Variants in DYNC1I1 observed in about 807,000 individuals in gnomAD.
The protein encoded by DYNC1I1 is cytoplasmic dynein 1 intermediate chain 1.
A neutral mutation model predicts 86.6 loss-of-function variants in DYNC1I1; 43 were observed. That is an observed-to-expected ratio of 0.50 (90% confidence interval 0.39 to 0.64). The LOEUF (loss-of-function observed/expected upper bound fraction) is 0.64. Ranked by LOEUF, DYNC1I1 falls within the 30% of genes least tolerant of loss-of-function variation. DYNC1I1 has a pLI of 0.00. For missense variants in DYNC1I1, 604 were observed against 788.8 expected, an observed-to-expected ratio of 0.77 and a Z score of 2.81; for synonymous variants, 262 against 283.7, an observed-to-expected ratio of 0.92 and a Z score of 0.77.
rs1410872645 is a variant in DYNC1I1 at position 96,028,267 on chromosome 7, C to A, written c.1062C>A (p.Arg354=). The change falls in exon 11 of 17, where the codon CGC becomes CGA. Residue 354 remains arginine, a synonymous_variant. Coordinates refer to ENST00000447467, the MANE Select transcript of DYNC1I1 (RefSeq NM_001135556.2). ...YSGQIVLWDN[R]SHRRTPVQRT... ...GCCAGATTGTCCTCTGGGACAATCG[C>A]AGTCATCGAAGGACTCCAGTGCAGC... The A allele has an allele frequency of 6.2e-7, 1 of 1,613,786 alleles. No individual in the cohort carries two copies. Among genetic ancestry groups the A allele is most frequent in the Non-Finnish European group, 8.5e-7 (1 of 1,179,800 alleles).
chr7:95,918,263 C>T (rs964011095), intron 6 of DYNC1I1, among the ~76,000 whole-genome samples: 3 of 152,114 alleles, frequency 2.0e-5, no homozygotes, highest in African/African-American at 7.2e-5. Flanking sequence ...CACTTCACAC[C>T]TTATGGGCCA....
At chr7:95,836,102 G>A (rs1165836356) in intron 5 of DYNC1I1, among the ~76,000 whole-genome samples, 1 of 152,104 alleles carries the variant, frequency 6.6e-6, no homozygotes, top group African/African-American at 2.4e-5. Context: ...ATTTTGCAGT[G>A]GCTGGTACCA....
chr7:96,083,341 C>T (rs1018523522), intron 16 of DYNC1I1, among the ~76,000 whole-genome samples: 3 of 151,994 alleles, frequency 2.0e-5, no homozygotes, highest in Admixed American at 6.6e-5. Context: ...TTGTGTTTCT[C>T]TTTGTCACCA....
intron 14 of DYNC1I1, among the ~76,000 whole-genome samples, chr7:96,070,258 T>C (rs1295614633): frequency 6.6e-6 from 1 of 152,076 alleles, no homozygotes; most frequent in Admixed American, 6.6e-5. Flanking sequence ...TTTGGTTTGG[T>C]TTGGTTTGCG....
intron 4 of DYNC1I1, among the ~76,000 whole-genome samples, chr7:95,814,968 A>G (rs1192693201): frequency 6.6e-6 from 1 of 151,282 alleles, no homozygotes; most frequent in Non-Finnish European, 1.5e-5. Context: ...AAGAGCTGGC[A>G]CAATATAATC....
intron 10 of DYNC1I1, among the ~76,000 whole-genome samples, chr7:96,008,066 G>A (rs754310380): frequency 1.5e-4 from 23 of 152,132 alleles, no homozygotes; most frequent in Non-Finnish European, 2.8e-4. Flanking sequence ...GACGAGGGTG[G>A]GATCACAGGC....
In DYNC1I1 at chr7:96,076,172, T is replaced by C; in HGVS notation, c.1625T>C (p.Leu542Pro). The change falls in exon 15 of 17, where the codon CTC becomes CCC. Residue 542 changes from leucine (L) to proline (P), a missense_variant. Leu to Pro is a moderately conservative substitution (Grantham distance 98, BLOSUM62 -3). Coordinates refer to ENST00000447467, the MANE Select transcript of DYNC1I1 (RefSeq NM_001135556.2). ...GTGGACGGGATGGGGCGCTTGGACCTCTGGAACCTCAACAATGACACCGAG... is the reference window on the plus strand; with the variant it reads ...GTGGACGGGATGGGGCGCTTGGACCCCTGGAACCTCAACAATGACACCGAG... ...ACVDGMGRLD[L>P]WNLNNDTEVP... is the part of the protein sequence containing the mutation. 1 of 1,614,160 alleles carries C rather than the reference T, an allele frequency of 6.2e-7. No homozygotes were observed. The highest frequency in any genetic ancestry group is 8.5e-7 in the Non-Finnish European group (1 of 1,180,008).
intron 6 of DYNC1I1, among the ~76,000 whole-genome samples, chr7:95,968,824 CTGTGTGTGTGTGTGTGTGTG>C (rs56022930): frequency 0.014 from 1,361 of 94,394 alleles, 21 homozygotes; most frequent in African/African-American, 0.051. Flanking sequence ...ATTTTTTGCT[CTGTGTGTGTGTGTGTGTGTG>C]TGTGTGTGTG....
At chr7:95,917,249 G>A (rs1791494466) in intron 6 of DYNC1I1, among the ~76,000 whole-genome samples, 1 of 152,170 alleles carries the variant, frequency 6.6e-6, no homozygotes, top group South Asian at 2.1e-4. Context: ...GGCTTCGGTA[G>A]CGAGAAGCGG....
At chr7:95,802,639 T>A (rs1470927464) in intron 1 of DYNC1I1, 1 of 152,260 alleles carries the variant, frequency 6.6e-6, no homozygotes, top group Non-Finnish European at 1.5e-5. Flanking sequence ...TATCCATTCT[T>A]GTCAATTAAA....
chr7:95,805,771 A>T (rs1794688507), intron 2 of DYNC1I1, among the ~76,000 whole-genome samples: 1 of 152,176 alleles, frequency 6.6e-6, no homozygotes, highest in Non-Finnish European at 1.5e-5. Context: ...GTGTGGTATG[A>T]TATGCTTTTG....
chr7:95,823,993 G>GTT (rs10550145), intron 4 of DYNC1I1, among the ~76,000 whole-genome samples: 11 of 78,432 alleles, frequency 1.4e-4, no homozygotes, highest in East Asian at 2.9e-4. Flanking sequence ...TTGGTTTTTT[G>GTT]TTTTTTTTTT....
intron 6 of DYNC1I1, among the ~76,000 whole-genome samples, chr7:95,949,225 A>T (rs1044332403): frequency 6.6e-6 from 1 of 152,212 alleles, no homozygotes; most frequent in African/African-American, 2.4e-5. Context: ...TAAAAGCAAG[A>T]GTTGTATGTA....
At chr7:96,039,151 G>T in intron 13 of DYNC1I1, 126 bp from the exon 14 acceptor site, 1 of 963,896 alleles carries the variant, frequency 1.0e-6, no homozygotes, top group Non-Finnish European at 1.5e-6. Flanking sequence ...ATTTCATTTT[G>T]GTGGTGTGTG....
chr7:96,086,675 T>C (rs1790689868), intron 16 of DYNC1I1, among the ~76,000 whole-genome samples: 1 of 152,192 alleles, frequency 6.6e-6, no homozygotes, highest in African/African-American at 2.4e-5. Context: ...CATTTGACAT[T>C]GGATATATGG....
intron 6 of DYNC1I1, among the ~76,000 whole-genome samples, chr7:95,918,559 A>G (rs527367980): frequency 1.2e-4 from 18 of 152,300 alleles, no homozygotes; most frequent in African/African-American, 4.3e-4. Flanking sequence ...ACACATGTGC[A>G]TGTGTGGGTG....
At chr7:96,039,213 T>C in intron 13 of DYNC1I1, 64 bp from the exon 14 acceptor site, 1 of 1,540,582 alleles carries the variant, frequency 6.5e-7, no homozygotes, top group Non-Finnish European at 8.7e-7. Flanking sequence ...TTTTGTTTTG[T>C]TTTTAAGCAA....
At chr7:95,996,238 G>A (rs143798352) in intron 10 of DYNC1I1, among the ~76,000 whole-genome samples, 165 bp downstream of exon 10, 271 of 152,274 alleles carry the variant, frequency 1.8e-3, no homozygotes, top group Non-Finnish European at 2.2e-3. Context: ...TTGGGAAAGT[G>A]GCAACCCTCC....
At chr7:95,953,565 G>A (rs1324643461) in intron 6 of DYNC1I1, among the ~76,000 whole-genome samples, 15 of 152,256 alleles carry the variant, frequency 9.9e-5, no homozygotes, top group African/African-American at 2.6e-4. Flanking sequence ...ATCATACTGC[G>A]CTTGTAGTAA....
Sources: allele counts gnomAD v4.1 joint callset (sites outside exome capture counted in the v4.1 genomes callset), GRCh38; gene constraint gnomAD v4.1.1; transcripts MANE v1.5; gene names NCBI Gene and HGNC (gene_info 2026-07-23, HGNC 2026-07-21).